Variants in CCNJL observed in about 807,000 individuals in gnomAD.
The protein encoded by CCNJL is cyclin-J-like protein.
CCNJL carries 33 observed loss-of-function variants against 33.4 expected under a neutral mutation model. The observed-to-expected ratio is 0.99, with a 90% confidence interval of 0.75 to 1.32. CCNJL has a LOEUF of 1.32. CCNJL is among the 40% of genes most tolerant of loss of function. The pLI is 0.00. For missense variants in CCNJL, 512 were observed against 499.7 expected (o/e 1.02, Z -0.23); for synonymous variants, 227 against 220.9 (o/e 1.03, Z -0.24).
chr5:160,336,418 A>C (rs1763684595), intron 1 of CCNJL, among the ~76,000 whole-genome samples: 1 of 152,220 alleles, frequency 6.6e-6, no homozygotes, highest in African/African-American at 2.4e-5. Context: ...CAGAGACTGC[A>C]GCAATGCAGC....
At chr5:160,288,829 T>TA (rs33916362) in intron 2 of CCNJL, among the ~76,000 whole-genome samples, 6,197 of 89,298 alleles carry the variant, frequency 0.069, 240 homozygotes, top group Middle Eastern at 0.17. Flanking sequence ...AGACTCTGTC[T>TA]AAAAAAAAAA....
At chr5:160,268,051 C>CT (rs1243285662) in intron 3 of CCNJL, among the ~76,000 whole-genome samples, 3 of 152,184 alleles carry the variant, frequency 2.0e-5, no homozygotes, top group Admixed American at 1.3e-4. Flanking sequence ...CCCAGCCTGA[C>CT]TTTTTTTAAA....
At chr5:160,299,948 G>A (rs1375388748) in intron 2 of CCNJL, among the ~76,000 whole-genome samples, 1 of 151,874 alleles carries the variant, frequency 6.6e-6, no homozygotes, top group Non-Finnish European at 1.5e-5. Context: ...ACCGCAGTGT[G>A]GCCAATTTCC....
chr5:160,300,210 G>A (rs1026439232), intron 2 of CCNJL, among the ~76,000 whole-genome samples: 6 of 152,128 alleles, frequency 3.9e-5, no homozygotes, highest in African/African-American at 1.4e-4. Flanking sequence ...GCCTCAGGAT[G>A]ATTCAAATTC....
chr5:160,311,466 G>A (rs989425937), intron 2 of CCNJL, among the ~76,000 whole-genome samples: 1 of 152,056 alleles, frequency 6.6e-6, no homozygotes, highest in African/African-American at 2.4e-5. Flanking sequence ...AATCGCAAAC[G>A]CAGAGCTTGC....
chr5:160,287,647 C>T (rs2303058), intron 2 of CCNJL, among the ~76,000 whole-genome samples: 14,286 of 152,298 alleles, frequency 0.094, 771 homozygotes, highest in South Asian at 0.24. Flanking sequence ...GCCGCAGCAG[C>T]GCAGTGCAGG....
At chr5:160,266,581 C>G (rs1228717548) in intron 3 of CCNJL, among the ~76,000 whole-genome samples, 1 of 152,172 alleles carries the variant, frequency 6.6e-6, no homozygotes, top group East Asian at 1.9e-4. Context: ...GGGCAATCAC[C>G]TGGAAACCCA....
intron 2 of CCNJL, among the ~76,000 whole-genome samples, chr5:160,300,735 C>G (rs1229087345): frequency 2.0e-5 from 3 of 152,132 alleles, no homozygotes; most frequent in Non-Finnish European, 2.9e-5. Flanking sequence ...TCATAGCACA[C>G]TGCAGCCTCA....
intron 1 of CCNJL, among the ~76,000 whole-genome samples, chr5:160,326,088 G>C (rs1380099536): frequency 1.3e-5 from 2 of 152,172 alleles, no homozygotes; most frequent in Non-Finnish European, 2.9e-5. Flanking sequence ...CTGGCCAGTT[G>C]CAAGTATTTA....
rs1054319933 is a variant in CCNJL at position 160,312,100 on chromosome 5, T to A, written c.-49-128A>T. Reference sequence around the variant, plus strand: ...CCCCTCCTGCGCCGCTCAGAGGAGCTGGAGGTCGCCTCTGGTCCGCGGAAG... The same window carrying A: ...CCCCTCCTGCGCCGCTCAGAGGAGCAGGAGGTCGCCTCTGGTCCGCGGAAG... On this transcript the variant is annotated intron_variant, in intron 1 of 5. Transcript: ENST00000257536. The A allele has an allele frequency of 5.2e-5, 33 of 629,310 alleles. No homozygotes were observed. In the Admixed American group the frequency reaches 8.8e-4, roughly 17 times the overall value. The allele number at this position is 629,310 out of a possible 1,614,324, so 39.0% of individuals were successfully genotyped here. A position where few individuals can be genotyped will look rare whatever the true frequency, so the allele number is the denominator to read the frequency against.
chr5:160,331,571 C>A (rs1763608655), intron 1 of CCNJL, among the ~76,000 whole-genome samples: 1 of 152,168 alleles, frequency 6.6e-6, no homozygotes, highest in South Asian at 2.1e-4. Context: ...CTCCTCTCTT[C>A]TCACCTTTTC....
At chr5:160,283,688 C>A (rs921157030) in intron 2 of CCNJL, among the ~76,000 whole-genome samples, 1 of 152,070 alleles carries the variant, frequency 6.6e-6, no homozygotes, top group Non-Finnish European at 1.5e-5. Flanking sequence ...ATATTCACCC[C>A]GTTGTGCAAT....
intron 1 of CCNJL, among the ~76,000 whole-genome samples, chr5:160,319,113 C>T (rs1763410890): frequency 6.6e-6 from 1 of 152,186 alleles, no homozygotes; most frequent in Non-Finnish European, 1.5e-5. Flanking sequence ...GATATTCTCT[C>T]TTTCTCTTTT....
chr5:160,255,370 C>A (rs1761014088), intron 5 of CCNJL, 179 bp downstream of exon 5: 2 of 547,252 alleles, frequency 3.7e-6, no homozygotes, highest in Admixed American at 2.9e-5. Context: ...ATAGGAAGAA[C>A]TGGTTCTCGA....
At chr5:160,333,722 C>A (rs1334249039) in intron 1 of CCNJL, among the ~76,000 whole-genome samples, 1 of 152,068 alleles carries the variant, frequency 6.6e-6, no homozygotes, top group African/African-American at 2.4e-5. Flanking sequence ...AAGGTGGTGA[C>A]CCCTGCTCCC....
In CCNJL at chr5:160,249,446, T is replaced by C. The variant is rs966330463; in HGVS notation, c.*3932A>G. 11 of 152,306 alleles carry C rather than the reference T, an allele frequency of 7.2e-5. No individual in the cohort carries two copies. Among genetic ancestry groups the C allele is most frequent in the East Asian group, 3.9e-4 (2 of 5,184 alleles). 9.4% of individuals were successfully genotyped at this position (152,306 alleles called of 1,614,324 possible). A position where few individuals can be genotyped will look rare whatever the true frequency, so the allele number is the denominator to read the frequency against. On this transcript the variant is annotated 3_prime_UTR_variant, in exon 6 of 6. Transcript: ENST00000257536. ...CTTTGAGATAATTCTGTTAAATTCA[T>C]ATAGACGTCAGAAAATACTTTTCAA...
At chr5:160,280,476 G>C (rs374697453) in intron 3 of CCNJL, 49 bp downstream of exon 3, 1 of 1,451,988 alleles carries the variant, frequency 6.9e-7, no homozygotes, top group Non-Finnish European at 9.6e-7. Context: ...GGCGCACTGA[G>C]CGGGAGGAGA....
chr5:160,252,520 T>A lies in CCNJL; in HGVS notation c.*858A>T, dbSNP rs748882689. The A allele has an allele frequency of 6.6e-6, 1 of 152,468 alleles. No homozygotes were observed. Among genetic ancestry groups the A allele is most frequent in the Non-Finnish European group, 1.5e-5 (1 of 68,032 alleles). 9.4% of individuals were successfully genotyped at this position (152,468 alleles called of 1,614,324 possible). A position where few individuals can be genotyped will look rare whatever the true frequency, so the allele number is the denominator to read the frequency against. ...AACACAGCCTCCAAGACGTGGAATC[T>A]TCCGGAACCGAGAGCTGGGAAAATG... is the stretch of plus-strand genomic sequence containing the variant. On this transcript the variant is annotated 3_prime_UTR_variant, in exon 6 of 6. Transcript: ENST00000257536.
intron 3 of CCNJL, among the ~76,000 whole-genome samples, chr5:160,273,630 A>G (rs895028700): frequency 6.7e-6 from 1 of 149,054 alleles, no homozygotes; most frequent in African/African-American, 2.5e-5. Flanking sequence ...AAGCACCACG[A>G]AAGTGCCGCC....
Sources: allele counts gnomAD v4.1 joint callset (sites outside exome capture counted in the v4.1 genomes callset), GRCh38; gene constraint gnomAD v4.1.1; transcripts MANE v1.5; gene names NCBI Gene and HGNC (gene_info 2026-07-23, HGNC 2026-07-21).